ZBTB49: variants seen among roughly 807,000 people sequenced by gnomAD.
ZBTB49 encodes zinc finger and BTB domain-containing protein 49.
In ZBTB49, 43 loss-of-function variants were observed where a neutral mutation model predicts 57.5. The observed-to-expected ratio is 0.75, with a 90% CI of 0.59 to 0.97. The LOEUF is 0.97. Among genes scored for constraint, ZBTB49 ranks in the 50% least tolerant of loss-of-function variants. The probability of loss-of-function intolerance (pLI) is 0.00; values close to 1 mark genes in which losing one functional copy is unlikely to be tolerated. For missense variants in ZBTB49, 938 were observed against 947.7 expected, an observed-to-expected ratio of 0.99 and a Z score of 0.13; for synonymous variants, 369 against 362.1, an observed-to-expected ratio of 1.02 and a Z score of -0.22.
rs1721395261 is a variant in ZBTB49, at chr4:4,321,084, C to G, written c.2066C>G (p.Ala689Gly). 6.2e-7 allele frequency: 1 copy of G among 1,614,182 alleles called. No individual in the cohort carries two copies. Among genetic ancestry groups the G allele is most frequent in the Non-Finnish European group, 8.5e-7 (1 of 1,180,040 alleles). ...KPQMQQTQPQ[A>G]YAYSDVDTPA... ...CAGATGCAGCAGACACAGCCTCAGG[C>G]CTATGCTTACTCGGATGTGGACACC... Residue 689 changes from alanine (A) to glycine (G), a missense_variant, in exon 8 of 8, where the codon GCC (alanine) becomes GGC (glycine). Around this residue, in one of 3 missense-constraint regions of ZBTB49, gnomAD observed 835 missense variants for 819.1 expected, o/e 1.02. Coordinates refer to ENST00000337872, the MANE Select transcript of ZBTB49 (RefSeq NM_145291.4).
At chr4:4,307,202 C>T (rs527948913) in intron 4 of ZBTB49, among the ~76,000 whole-genome samples, 11 of 152,354 alleles carry the variant, frequency 7.2e-5, no homozygotes, top group Admixed American at 1.3e-4. Flanking sequence ...TCCTCCTGAG[C>T]ACTTCATTTC....
rs1363100279 is a variant in ZBTB49, at chr4:4,302,058, C to T, written c.222C>T (p.Gly74=). 3 of 1,611,244 alleles carry T rather than the reference C, an allele frequency of 1.9e-6. No homozygotes were observed. Among genetic ancestry groups the T allele is most frequent in the Non-Finnish European group, 2.5e-6 (3 of 1,178,246 alleles). Residue 74 remains glycine (G), a synonymous_variant, in exon 3 of 8, where the codon GGC becomes GGT. Transcript: ENST00000337872. ...ACTTGGATGTTAAAAATGTCAGTGG[C>T]ATAGGGCAGATCCTGGACTTCATGT... is the stretch of plus-strand genomic sequence containing the variant. ...VFHLDVKNVS[G]IGQILDFMYT... is the part of the protein sequence containing the mutation.
At chr4:4,315,423 C>G (rs947388111) in intron 5 of ZBTB49, among the ~76,000 whole-genome samples, 6 of 152,124 alleles carry the variant, frequency 3.9e-5, no homozygotes, top group African/African-American at 1.4e-4. Context: ...GAAAAAAATG[C>G]TTTAAAAACA....
chr4:4,318,892 A>AC (rs555638428), intron 7 of ZBTB49, among the ~76,000 whole-genome samples: 1 of 78,920 alleles, frequency 1.3e-5, no homozygotes, highest in Non-Finnish European at 2.4e-5. Flanking sequence ...GTTTTTTTTA[A>AC]TCTTTTTTTT....
At chr4:4,292,760 G>T (rs745998242) in intron 1 of ZBTB49, among the ~76,000 whole-genome samples, 24 of 152,176 alleles carry the variant, frequency 1.6e-4, no homozygotes, top group Non-Finnish European at 2.8e-4. Context: ...GGCCCTTGGA[G>T]AAGTAATCTA....
intron 1 of ZBTB49, among the ~76,000 whole-genome samples, chr4:4,291,727 T>C (rs1035350308): frequency 1.3e-5 from 2 of 152,250 alleles, no homozygotes; most frequent in African/African-American, 4.8e-5. Context: ...GTGAGCCCTC[T>C]CATTTTTTTA....
At chr4:4,319,319 G>A (rs1721315341) in intron 7 of ZBTB49, among the ~76,000 whole-genome samples, 1 of 152,150 alleles carries the variant, frequency 6.6e-6, no homozygotes. Flanking sequence ...AGATAGCTGA[G>A]AATTCAGATG....
In ZBTB49 at chr4:4,320,804, C is replaced by T; in HGVS notation, c.1786C>T (p.Leu596=). The T allele has an allele frequency of 6.2e-7, 1 of 1,614,188 alleles. No individual in the cohort carries two copies. The highest frequency in any genetic ancestry group is 8.5e-7 in the Non-Finnish European group (1 of 1,180,032). ...AGCTGGTGACGAGAGCCCAGATGTG[C>T]TGGAGGAGCTCAGCCAAGCCATCGA... ...CKAGDESPDV[L]EELSQAIETS... Residue 596 remains leucine, a synonymous_variant, in exon 8 of 8, where the codon CTG becomes TTG. Coordinates refer to ENST00000337872, the MANE Select transcript of ZBTB49 (RefSeq NM_145291.4).
chr4:4,320,394 G>T (rs558144592), intron 7 of ZBTB49, among the ~76,000 whole-genome samples: 2 of 152,146 alleles, frequency 1.3e-5, no homozygotes, highest in South Asian at 4.1e-4. Context: ...TCTTGGGAGG[G>T]GAGGGGAGAA....
chr4:4,313,892 A>C (rs1191018840), intron 5 of ZBTB49, among the ~76,000 whole-genome samples: 1 of 152,158 alleles, frequency 6.6e-6, no homozygotes, highest in Non-Finnish European at 1.5e-5. Context: ...TCATTCATTG[A>C]TTCAACATTT....
chr4:4,302,830 G>A lies in ZBTB49; in HGVS notation c.994G>A (p.Gly332Ser). Reference protein sequence around the residue: ...EQVSEPKSDDGLTKRLESASK... With the variant: ...EQVSEPKSDDSLTKRLESASK... ...AGTATCTGAACCCAAGTCAGATGAT[G>A]GTTTGACAAAGAGGTTGGAATCTGC... Residue 332 changes from glycine (G) to serine (S), a missense_variant, in exon 3 of 8, where the codon GGT (glycine) becomes AGT (serine). Gly to Ser is a moderately conservative substitution (Grantham distance 56). Transcript: ENST00000337872. 1.2e-6 allele frequency: 2 copies of A among 1,613,932 alleles called. No individual in the cohort carries two copies. The highest frequency in any genetic ancestry group is 1.7e-6 in the Non-Finnish European group (2 of 1,179,878).
At chr4:4,295,461 A>G (rs1577229089) in intron 1 of ZBTB49, among the ~76,000 whole-genome samples, 1 of 152,196 alleles carries the variant, frequency 6.6e-6, no homozygotes, top group African/African-American at 2.4e-5. Context: ...TTGGATGAGA[A>G]CACAGAGCCA....
Position 4,310,510 on chromosome 4 carries a change from A to ATT in ZBTB49, c.1303-2531_1303-2530insTT, listed in dbSNP as rs1560113010. On this transcript the variant is annotated intron_variant, in intron 4 of 7. Transcript: ENST00000337872. ...GAGAGCTATTATTACCACTTGCTAG[A>ATT]ATTTTTTTTTTTTTTTTGAGATGGA... Among the ~76,000 whole-genome samples the ATT allele has an allele frequency of 8.6e-4, 94 of 108,896 alleles. 1 individual carries two copies. The highest frequency in any genetic ancestry group is 2.5e-3 in the African/African-American group (86 of 33,956). The allele number at this position is 108,896 out of a possible 152,430, so 71.4% of individuals were successfully genotyped here.
At chr4:4,294,478 T>C (rs536323689) in intron 1 of ZBTB49, among the ~76,000 whole-genome samples, 325 of 152,316 alleles carry the variant, frequency 2.1e-3, no homozygotes, top group African/African-American at 7.5e-3. Context: ...TGCCTCAGCC[T>C]CCAGAGTAGC....
In ZBTB49 at chr4:4,300,111, A is replaced by G; in HGVS notation, c.152+14A>G. On this transcript the variant is annotated intron_variant, in intron 2 of 7. Coordinates refer to ENST00000337872, the MANE Select transcript of ZBTB49 (RefSeq NM_145291.4). ...CCAGTATTTTAGGTGGGTATTTTAGACTTCATTCTCCTAGCTGTGAATTAA... is the reference window on the plus strand; with the variant it reads ...CCAGTATTTTAGGTGGGTATTTTAGGCTTCATTCTCCTAGCTGTGAATTAA... 6.2e-7 allele frequency: 1 copy of G among 1,613,182 alleles called. No individual in the cohort carries two copies. Among genetic ancestry groups the G allele is most frequent in the Non-Finnish European group, 8.5e-7 (1 of 1,179,348 alleles).
At chr4:4,313,481 C>T (rs1373852081) in intron 5 of ZBTB49, among the ~76,000 whole-genome samples, 8 of 152,096 alleles carry the variant, frequency 5.3e-5, no homozygotes, top group Admixed American at 5.2e-4. Flanking sequence ...GACTTGGCAG[C>T]TGAGTGACTA....
chr4:4,317,668 TTTC>T (rs997382302), intron 7 of ZBTB49, among the ~76,000 whole-genome samples: 19 of 151,954 alleles, frequency 1.3e-4, no homozygotes, highest in African/African-American at 4.1e-4. Flanking sequence ...GTGTTTCCAT[TTTC>T]TTGGATATAT....
intron 7 of ZBTB49, 28 bp downstream of exon 7, chr4:4,315,998 A>C (rs201786475): frequency 3.1e-6 from 5 of 1,610,734 alleles, no homozygotes; most frequent in Admixed American, 3.3e-5. Context: ...GCTGTCCCCT[A>C]GTCATCTGTG....
intron 1 of ZBTB49, among the ~76,000 whole-genome samples, chr4:4,296,474 T>C (rs1373415625): frequency 1.3e-5 from 2 of 152,210 alleles, no homozygotes; most frequent in African/African-American, 4.8e-5. Context: ...GGAGTTTCCC[T>C]GCACAAGCGC....
Sources: allele counts gnomAD v4.1 joint callset (sites outside exome capture counted in the v4.1 genomes callset), GRCh38; gene constraint gnomAD v4.1.1; regional missense constraint gnomAD v4.1.1; transcripts MANE v1.5; gene names NCBI Gene and HGNC (gene_info 2026-07-23, HGNC 2026-07-21).